The following MEOX2 variants were observed in gnomAD, a reference collection of about 807,000 sequenced individuals.
The protein encoded by MEOX2 is mesenchyme homeobox 2, also known as homeobox protein MOX-2.
In MEOX2, 11 loss-of-function variants were observed where a neutral mutation model predicts 27.0. The observed-to-expected ratio is 0.41, with a 90% confidence interval of 0.26 to 0.68. The LOEUF (loss-of-function observed/expected upper bound fraction) is 0.68, where lower values mean the gene tolerates loss of function less well. MEOX2 is among the 30% of genes least tolerant of loss of function. The pLI, the probability that MEOX2 is intolerant of heterozygous loss-of-function variation, is 0.33. For missense variants in MEOX2, 436 were observed against 385.4 expected (o/e 1.13, Z -1.10); for synonymous variants, 189 against 155.4 (o/e 1.22, Z -1.61).
At chr7:15,630,260 G>C (rs955232546) in intron 1 of MEOX2, among the ~76,000 whole-genome samples, 3 of 152,016 alleles carry the variant, frequency 2.0e-5, no homozygotes, top group Non-Finnish European at 4.4e-5. Context: ...CAATACTTCC[G>C]TGGAGGATAA....
At chr7:15,662,130 C>T (rs1485039421) in intron 1 of MEOX2, among the ~76,000 whole-genome samples, 4 of 128,416 alleles carry the variant, frequency 3.1e-5, no homozygotes, top group Non-Finnish European at 6.2e-5. Flanking sequence ...AGGAAAATCT[C>T]GAACAGAAAA....
intron 1 of MEOX2, among the ~76,000 whole-genome samples, chr7:15,633,152 G>A (rs1781427859): frequency 6.6e-6 from 1 of 151,774 alleles, no homozygotes; most frequent in Admixed American, 6.6e-5. Flanking sequence ...AGTGTTTGAG[G>A]CCAATTCTTG....
chr7:15,623,794 A>T (rs1781254568), intron 2 of MEOX2, among the ~76,000 whole-genome samples: 1 of 152,262 alleles, frequency 6.6e-6, no homozygotes, highest in Admixed American at 6.5e-5. Context: ...ATACAATTAC[A>T]TCATTCCTCT....
chr7:15,673,080 A>G (rs1031604965), intron 1 of MEOX2, among the ~76,000 whole-genome samples: 8 of 152,198 alleles, frequency 5.3e-5, no homozygotes, highest in Admixed American at 1.3e-4. Context: ...AGGAGAAATC[A>G]TTCATTATAA....
At chr7:15,620,465 C>T (rs892137223) in intron 2 of MEOX2, among the ~76,000 whole-genome samples, 1 of 151,966 alleles carries the variant, frequency 6.6e-6, no homozygotes, top group Non-Finnish European at 1.5e-5. Flanking sequence ...CTACTCTACT[C>T]GGGAGGCTGA....
chr7:15,645,488 G>T (rs912826458), intron 1 of MEOX2, among the ~76,000 whole-genome samples: 1 of 151,894 alleles, frequency 6.6e-6, no homozygotes, highest in African/African-American at 2.4e-5. Flanking sequence ...CACCAAATTC[G>T]CCATGACTGC....
At chr7:15,620,755 G>A (rs1583741154) in intron 2 of MEOX2, among the ~76,000 whole-genome samples, 1 of 152,156 alleles carries the variant, frequency 6.6e-6, no homozygotes, top group East Asian at 1.9e-4. Flanking sequence ...TTCCACCAAT[G>A]GAGTATGATC....
intron 2 of MEOX2, among the ~76,000 whole-genome samples, chr7:15,619,961 A>G (rs934407535): frequency 6.6e-6 from 1 of 152,064 alleles, no homozygotes; most frequent in Non-Finnish European, 1.5e-5. Context: ...ATCTTAAGTT[A>G]CTTTTCATGT....
intron 1 of MEOX2, among the ~76,000 whole-genome samples, chr7:15,685,096 A>G (rs1782356337): frequency 6.6e-6 from 1 of 152,202 alleles, no homozygotes; most frequent in South Asian, 2.1e-4. Context: ...GCTTCGCAGT[A>G]TTTGTCTCTA....
intron 1 of MEOX2, among the ~76,000 whole-genome samples, chr7:15,682,977 C>T (rs905663628): frequency 6.6e-6 from 1 of 151,884 alleles, no homozygotes; most frequent in Non-Finnish European, 1.5e-5. Context: ...AATAAACTTA[C>T]ATAAAGGAAG....
At chr7:15,677,700 A>C (rs1311465343) in intron 1 of MEOX2, 1 of 152,076 alleles carries the variant, frequency 6.6e-6, no homozygotes, top group African/African-American at 2.4e-5. Context: ...ATATATTCCA[A>C]CTGTGGACAG....
At position 15,611,850 on chromosome 7, in the gene MEOX2, G is replaced by A. The variant is rs906114542; in HGVS notation, c.*537C>T. The A allele has an allele frequency of 1.3e-5, 2 of 156,484 alleles. No homozygotes were observed. Among genetic ancestry groups the A allele is most frequent in the Non-Finnish European group, 2.8e-5 (2 of 70,346 alleles). 9.7% of individuals were successfully genotyped at this position (156,484 alleles called of 1,614,324 possible). ...ATGACTTAAGGGTAATATATACAGA[G>A]TTAAAATACACTTTTTATCCACTTG... On this transcript the variant is annotated 3_prime_UTR_variant, in exon 3 of 3. Transcript: ENST00000262041.
intron 1 of MEOX2, chr7:15,680,572 C>G (rs893043953): frequency 6.6e-6 from 1 of 151,736 alleles, no homozygotes. Context: ...TACTTTACAC[C>G]GTTACTCCTT....
chr7:15,614,987 C>T (rs1781099544), intron 2 of MEOX2, among the ~76,000 whole-genome samples: 2 of 151,904 alleles, frequency 1.3e-5, no homozygotes, highest in African/African-American at 4.8e-5. Flanking sequence ...TAGTTGAAAT[C>T]ATGTATCATA....
Position 15,686,317 on chromosome 7 carries a change from A to C in MEOX2, c.86T>G (p.Leu29Arg). 1.2e-6 allele frequency: 2 copies of C among 1,607,294 alleles called. No homozygotes were observed. The highest frequency in any genetic ancestry group is 3.4e-5 in the Admixed American group (2 of 59,082). The change falls in exon 1 of 3, where the codon CTC becomes CGC. Residue 29 changes from leucine to arginine, a missense_variant. Leu to Arg is a moderately radical substitution (Grantham distance 102). Coordinates refer to ENST00000262041, the MANE Select transcript of MEOX2 (RefSeq NM_005924.5). ...AGACATATGGTCAGATCTTCCATGG[A>C]GGGCGAGAGAGGATTGGGAGAACGG... ...LHPFSQSSLALHGRSDHMSYP... is the reference protein window; with the variant it reads ...LHPFSQSSLARHGRSDHMSYP...
intron 1 of MEOX2, among the ~76,000 whole-genome samples, chr7:15,678,688 C>T (rs1228231369): frequency 6.6e-6 from 1 of 152,208 alleles, no homozygotes; most frequent in Non-Finnish European, 1.5e-5. Context: ...TTGCAAATAA[C>T]TATCACTTTG....
At chr7:15,678,071 A>G (rs1782230729) in intron 1 of MEOX2, among the ~76,000 whole-genome samples, 1 of 152,170 alleles carries the variant, frequency 6.6e-6, no homozygotes, top group Non-Finnish European at 1.5e-5. Flanking sequence ...CAAGCCTCCA[A>G]ATAGGGATGC....
intron 1 of MEOX2, among the ~76,000 whole-genome samples, chr7:15,648,575 C>G (rs983826154): frequency 6.6e-6 from 1 of 152,074 alleles, no homozygotes; most frequent in Non-Finnish European, 1.5e-5. Flanking sequence ...TTACATAAAA[C>G]TGTCTCCACA....
At position 15,637,531 on chromosome 7, in the gene MEOX2, C is replaced by T. The variant is rs191871662; in HGVS notation, c.518-10613G>A. ...ATTTTCCAATACACACACACACACA[C>T]GCACACACACACGCACACACACACA... On this transcript the variant is annotated intron_variant, in intron 1 of 2. Coordinates refer to ENST00000262041, the MANE Select transcript of MEOX2 (RefSeq NM_005924.5). Among the ~76,000 whole-genome samples the T allele has an allele frequency of 3.7e-3, 568 of 151,686 alleles. 3 individuals carry two copies. The highest frequency in any genetic ancestry group is 4.4e-3 in the South Asian group (21 of 4,756).
Sources: allele counts gnomAD v4.1 joint callset (sites outside exome capture counted in the v4.1 genomes callset), GRCh38; gene constraint gnomAD v4.1.1; transcripts MANE v1.5; gene names NCBI Gene and HGNC (gene_info 2026-07-23, HGNC 2026-07-21).